TOP1: variants seen among roughly 807,000 people sequenced by gnomAD.
TOP1 encodes the protein DNA topoisomerase I.
Under a neutral mutation model 111.1 loss-of-function variants are expected in TOP1, and 10 were observed. The ratio of observed to expected loss-of-function variants is 0.09; its 90% CI spans 0.06 to 0.15. The LOEUF (loss-of-function observed/expected upper bound fraction) is 0.15. Among genes scored for constraint, TOP1 ranks in the 10% least tolerant of loss-of-function variants. The probability of loss-of-function intolerance (pLI) is 1.00; values close to 1 mark genes in which losing one functional copy is unlikely to be tolerated. For synonymous variants in TOP1, 271 were observed against 302.9 expected, an observed-to-expected ratio of 0.89 and a Z score of 1.10; for missense variants, 474 against 926.7, an observed-to-expected ratio of 0.51 and a Z score of 6.34.
At chr20:41,084,631 G>A (rs1364118769) in intron 8 of TOP1, 63 bp downstream of exon 8, 2 of 897,372 alleles carry the variant, frequency 2.2e-6, no homozygotes, top group Non-Finnish European at 3.3e-6. Flanking sequence ...CGAAGCAAGA[G>A]TATTGAGTTA....
At chr20:41,041,488 C>T (rs1216103918) in intron 2 of TOP1, among the ~76,000 whole-genome samples, 1 of 149,922 alleles carries the variant, frequency 6.7e-6, no homozygotes, top group Non-Finnish European at 1.5e-5. Flanking sequence ...CCTGTATGGT[C>T]AATACAGATG....
rs746666634 is a variant in TOP1 at position 41,092,348 on chromosome 20, G to A, written c.615-124G>A. The A allele has an allele frequency of 1.0e-5, 5 of 483,586 alleles. No individual in the cohort carries two copies. Among genetic ancestry groups the A allele is most frequent in the Non-Finnish European group, 1.9e-5 (5 of 266,066 alleles). 30.0% of individuals were successfully genotyped at this position (483,586 alleles called of 1,614,324 possible). Reference sequence around the variant, plus strand: ...TTCTTTTGATCCAGGCCTTGAATGTGAGGCCCAGAAGTCATTCCAGAGCAC... The same window carrying A: ...TTCTTTTGATCCAGGCCTTGAATGTAAGGCCCAGAAGTCATTCCAGAGCAC... On this transcript the variant is annotated intron_variant, in intron 8 of 20. Transcript: ENST00000361337. This position sits in a 1 kb window ranked among gnomAD's most constrained non-coding sequence, Gnocchi z 4.3.
chr20:41,051,081 C>G (rs1054890071), intron 2 of TOP1, among the ~76,000 whole-genome samples: 3 of 152,098 alleles, frequency 2.0e-5, no homozygotes, highest in African/African-American at 7.2e-5. Flanking sequence ...TTTCCTTATG[C>G]GCTAGTTGTA....
intron 7 of TOP1, among the ~76,000 whole-genome samples, chr20:41,081,700 C>T (rs571727296): frequency 6.6e-6 from 1 of 152,162 alleles, no homozygotes; most frequent in Non-Finnish European, 1.5e-5. Flanking sequence ...CTCTTTACTG[C>T]AGCTCCTCCC....
Position 41,121,259 on chromosome 20 carries a change from G to A in TOP1, c.1951-437G>A, listed in dbSNP as rs1343653547. Among the ~76,000 whole-genome samples the A allele has an allele frequency of 6.6e-6, 1 of 152,192 alleles. No homozygotes were observed. The highest frequency in any genetic ancestry group is 2.4e-5 in the African/African-American group (1 of 41,448). On this transcript the variant is annotated intron_variant, in intron 18 of 20. Coordinates refer to ENST00000361337, the MANE Select transcript of TOP1 (RefSeq NM_003286.4). The surrounding 1 kb of genome is among the most constrained non-coding windows in gnomAD (Gnocchi z 4.2). ...AGGAACGAGCTGGGGTTGCCCAGTA[G>A]ATGCAAGTATCCTGCTTCAGTTTCC...
In TOP1 at chr20:41,046,897, G is replaced by C. The variant is rs1390987047; in HGVS notation, c.59-14497G>C. Among the ~76,000 whole-genome samples the C allele has an allele frequency of 6.6e-6, 1 of 152,218 alleles. No individual in the cohort carries two copies. The highest frequency in any genetic ancestry group is 1.5e-5 in the Non-Finnish European group (1 of 68,044). ...TGGGCCAGTCATTGGCCTCTCTTCA[G>C]AGTTCTCATGTGACTCACTTAGTTT... is the stretch of plus-strand genomic sequence containing the variant. On this transcript the variant is annotated intron_variant, in intron 2 of 20. Transcript: ENST00000361337. This position sits in a 1 kb window ranked among gnomAD's most constrained non-coding sequence, Gnocchi z 4.3.
chr20:41,088,301 A>G (rs1002109332), intron 8 of TOP1, among the ~76,000 whole-genome samples: 3 of 152,132 alleles, frequency 2.0e-5, no homozygotes, highest in African/African-American at 7.2e-5. Context: ...GATCGAGACC[A>G]TCCTGGCTAA....
In TOP1 at chr20:41,034,086, A is replaced by G. The variant is rs2033154529; in HGVS notation, c.58+4631A>G. 6.6e-6 allele frequency among the ~76,000 whole-genome samples: 1 copy of G among 152,202 alleles called. No homozygotes were observed. The highest frequency in any genetic ancestry group is 6.5e-5 in the Admixed American group (1 of 15,272). ...GTTGTATGGTTTAGATTATCTGACT[A>G]TCCCTTAATTATTTTGAAACCATTA... On this transcript the variant is annotated intron_variant, in intron 2 of 20. Coordinates refer to ENST00000361337, the MANE Select transcript of TOP1 (RefSeq NM_003286.4). This position sits in a 1 kb window ranked among gnomAD's most constrained non-coding sequence, Gnocchi z 4.0.
Position 41,061,596 on chromosome 20 carries a change from G to T in TOP1, c.155+106G>T. 1.0e-6 allele frequency: 1 copy of T among 961,802 alleles called. No individual in the cohort carries two copies. The highest frequency in any genetic ancestry group is 1.6e-6 in the Non-Finnish European group (1 of 642,676). 59.6% of individuals were successfully genotyped at this position (961,802 alleles called of 1,614,324 possible). ...TTGAGCTACATGTAAAGATAGCAAA[G>T]TAAGTAGAAACTGTATTTGATCCTA... is the stretch of plus-strand genomic sequence containing the variant. On this transcript the variant is annotated intron_variant, in intron 3 of 20. Coordinates refer to ENST00000361337, the MANE Select transcript of TOP1 (RefSeq NM_003286.4). This position sits in a 1 kb window ranked among gnomAD's most constrained non-coding sequence, Gnocchi z 4.6.
In TOP1 at chr20:41,106,338, A is replaced by G. The variant is rs527882853; in HGVS notation, c.1308+4985A>G. 6.6e-6 allele frequency among the ~76,000 whole-genome samples: 1 copy of G among 152,332 alleles called. No individual in the cohort carries two copies. Among genetic ancestry groups the G allele is most frequent in the Non-Finnish European group, 1.5e-5 (1 of 68,030 alleles). On this transcript the variant is annotated intron_variant, in intron 13 of 20. Transcript: ENST00000361337. This position sits in a 1 kb window ranked among gnomAD's most constrained non-coding sequence, Gnocchi z 4.3. ...TTCATTCTTCAAAATTGCTTTGGCT[A>G]TTCTTGGCCCTCTGCTGTTTCATAT...
chr20:41,115,501 G>A lies in TOP1; in HGVS notation c.1707+62G>A. 2 of 1,310,994 alleles carry A rather than the reference G, an allele frequency of 1.5e-6. No individual in the cohort carries two copies. Among genetic ancestry groups the A allele is most frequent in the African/African-American group, 2.9e-5 (2 of 68,898 alleles). 81.2% of individuals were successfully genotyped at this position (1,310,994 alleles called of 1,614,324 possible). A position where few individuals can be genotyped will look rare whatever the true frequency, so the allele number is the denominator to read the frequency against. On this transcript the variant is annotated intron_variant, in intron 16 of 20. Coordinates refer to ENST00000361337, the MANE Select transcript of TOP1 (RefSeq NM_003286.4). This position sits in a 1 kb window ranked among gnomAD's most constrained non-coding sequence, Gnocchi z 6.3. ...CAGCCAGAGCCTCACAGTACCTAAA[G>A]GGGAGGGTTGCTGGCAGATGACTTG... is the stretch of plus-strand genomic sequence containing the variant.
At chr20:41,076,937 G>A (rs2033734443) in intron 4 of TOP1, among the ~76,000 whole-genome samples, 2 of 152,136 alleles carry the variant, frequency 1.3e-5, no homozygotes, top group Non-Finnish European at 2.9e-5. Flanking sequence ...ATCTGTATGT[G>A]TGTGTGTATC....
chr20:41,096,123 G>A (rs2033978599), intron 9 of TOP1, among the ~76,000 whole-genome samples: 1 of 152,150 alleles, frequency 6.6e-6, no homozygotes, highest in Non-Finnish European at 1.5e-5. Context: ...CTGAAGTGCA[G>A]TGGCGTGATC....
chr20:41,074,707 C>T (rs1600573689), intron 3 of TOP1, among the ~76,000 whole-genome samples: 1 of 152,278 alleles, frequency 6.6e-6, no homozygotes, highest in Middle Eastern at 3.4e-3. Flanking sequence ...TTGTTTCTCC[C>T]TTTGTGATCT....
intron 9 of TOP1, among the ~76,000 whole-genome samples, chr20:41,093,150 G>A (rs2033940607): frequency 6.6e-6 from 1 of 152,118 alleles, no homozygotes; most frequent in South Asian, 2.1e-4. Context: ...CCCTGCCTGG[G>A]TCTCTTAGAA....
Position 41,029,692 on chromosome 20 carries a change from ACCGGGCCTCGGGCGGTCTTT to A in TOP1, c.58+245_58+264del. The A allele has an allele frequency of 1.7e-6, 1 of 595,084 alleles. No homozygotes were observed. The highest frequency in any genetic ancestry group is 3.1e-6 in the Non-Finnish European group (1 of 324,508). 36.9% of individuals were successfully genotyped at this position (595,084 alleles called of 1,614,324 possible). On this transcript the variant is annotated intron_variant, in intron 2 of 20. Transcript: ENST00000361337. This position sits in a 1 kb window ranked among gnomAD's most constrained non-coding sequence, Gnocchi z 6.1. ...CAACGGAGACCCCGTGTCGTCCGCC[ACCGGGCCTCGGGCGGTCTTT>A]CCGGGCCGGGATTCCTCCCGGGAAA...
At chr20:41,066,224 C>A (rs2033604696) in intron 3 of TOP1, among the ~76,000 whole-genome samples, 1 of 151,654 alleles carries the variant, frequency 6.6e-6, no homozygotes, top group Non-Finnish European at 1.5e-5. Context: ...ATAAGTTTGG[C>A]CCTGTCCTGT....
rs56065521 is a variant in TOP1 at position 41,110,159 on chromosome 20, C to T, written c.1309-2623C>T. Among the ~76,000 whole-genome samples, 1,109 of 152,242 alleles carry T rather than the reference C, an allele frequency of 7.3e-3. 9 individuals carry two copies. Among genetic ancestry groups the T allele is most frequent in the African/African-American group, 0.026 (1,063 of 41,536 alleles). Reference sequence around the variant, plus strand: ...AAAAATTAGCCGAGGGTGGCGCACACCTGTAATCTCAGCTATTCAGGAGGC... The same window carrying T: ...AAAAATTAGCCGAGGGTGGCGCACATCTGTAATCTCAGCTATTCAGGAGGC... On this transcript the variant is annotated intron_variant, in intron 13 of 20. Transcript: ENST00000361337. The surrounding 1 kb of genome is among the most constrained non-coding windows in gnomAD (Gnocchi z 4.2).
chr20:41,120,198 A>G (rs2034399894), intron 18 of TOP1, among the ~76,000 whole-genome samples: 1 of 152,256 alleles, frequency 6.6e-6, no homozygotes, highest in South Asian at 2.1e-4. Flanking sequence ...TTTCTATCCT[A>G]AAAAGAATCT....
Sources: gnomAD v4.1 joint callset for allele counts (sites outside exome capture counted in the v4.1 genomes callset) on GRCh38, gnomAD v4.1.1 for gene constraint, Gnocchi (gnomAD v3.1) non-coding constraint, MANE v1.5 for transcripts, NCBI Gene and HGNC (gene_info 2026-07-23, HGNC 2026-07-21) for gene names.